The following APOB variants were observed in gnomAD, a reference collection of about 807,000 sequenced individuals.
APOB encodes apolipoprotein B.
Under a neutral mutation model 314.1 loss-of-function variants are expected in APOB, and 153 were observed. The observed-to-expected ratio is 0.49, with a 90% confidence interval of 0.43 to 0.56. The LOEUF (loss-of-function observed/expected upper bound fraction) is 0.56. Ranked by LOEUF, APOB falls within the 20% of genes least tolerant of loss-of-function variation. The pLI, the probability that APOB is intolerant of heterozygous loss-of-function variation, is 0.00. For missense variants in APOB, 5,430 were observed against 5,350.7 expected, an observed-to-expected ratio of 1.01 and a Z score of -0.46; for synonymous variants, 2,087 against 2,036.4, an observed-to-expected ratio of 1.02 and a Z score of -0.67.
chr2:21,037,062 C>G, intron 6 of APOB, 38 bp downstream of exon 6: 1 of 1,613,510 alleles, frequency 6.2e-7, no homozygotes, highest in Non-Finnish European at 8.5e-7. Context: ...TAAGAGGATG[C>G]TCCTTGCTGT....
chr2:21,029,767 G>T lies in APOB; in HGVS notation c.1489C>A (p.Gln497Lys). The T allele has an allele frequency of 1.9e-6, 3 of 1,614,142 alleles. No individual in the cohort carries two copies. The highest frequency in any genetic ancestry group is 2.5e-6 in the Non-Finnish European group (3 of 1,180,028). ...LILRVIGNMG[Q>K]TMEQLTPELK... ...TCTGGAGTTAACTGCTCCATGGTTTGGCCCATATTTCCAATGACCTGCATT... is the reference window on the plus strand; with the variant it reads ...TCTGGAGTTAACTGCTCCATGGTTTTGCCCATATTTCCAATGACCTGCATT... Residue 497 changes from glutamine (Q) to lysine (K), a missense_variant, in exon 12 of 29, where the codon CAA becomes AAA. This residue lies in a region of APOB where 2,085 missense variants were observed against 2,079.7 expected (regional missense o/e 1.00). Transcript: ENST00000233242.
Position 21,022,852 on chromosome 2 carries a change from G to C in APOB, c.2795C>G (p.Pro932Arg). 1 of 1,614,118 alleles carries C rather than the reference G, an allele frequency of 6.2e-7. No individual in the cohort carries two copies. Among genetic ancestry groups the C allele is most frequent in the East Asian group, 2.2e-5 (1 of 44,886 alleles). ...TTACCCTCCACTGAGCAGCTTGACT[G>C]GTCTCTTTGGGGAAGGAATGATAAA... Reference protein sequence around the residue: ...LKFIIPSPKRPVKLLSGGNTL... With the variant: ...LKFIIPSPKRRVKLLSGGNTL... Residue 932 changes from proline (P) to arginine (R), a missense_variant, in exon 18 of 29, where the codon CCA becomes CGA. Physicochemically the swap from Pro to Arg is moderately radical, Grantham distance 103. Around this residue, in one of 3 missense-constraint regions of APOB, gnomAD observed 2,085 missense variants for 2,079.7 expected, o/e 1.00. Transcript: ENST00000233242.
chr2:21,007,898 T>C lies in APOB; in HGVS notation c.8970A>G (p.Ser2990=), dbSNP rs1663191131. 2 of 1,613,938 alleles carry C rather than the reference T, an allele frequency of 1.2e-6. No individual in the cohort carries two copies. Among genetic ancestry groups the C allele is most frequent in the African/African-American group, 1.3e-5 (1 of 74,912 alleles). The part of the protein sequence containing the change: ...SLNFSKLEIQ[S]QVDSQHVGHS... Reference sequence around the variant, plus strand: ...GGCCCACATGCTGGGAATCGACTTGTGATTGAATTTCAAGTTTAGAAAAGT... The same window carrying C: ...GGCCCACATGCTGGGAATCGACTTGCGATTGAATTTCAAGTTTAGAAAAGT... The change falls in exon 26 of 29, where the codon TCA becomes TCG. Residue 2990 remains serine (S), a synonymous_variant. Coordinates refer to ENST00000233242, the MANE Select transcript of APOB (RefSeq NM_000384.3).
At chr2:21,012,894 A>G (rs921858697) in intron 25 of APOB, among the ~76,000 whole-genome samples, 4 of 152,188 alleles carry the variant, frequency 2.6e-5, no homozygotes, top group African/African-American at 9.7e-5. Flanking sequence ...CCTTATACTT[A>G]TATACTACAC....
At chr2:21,039,755 T>G (rs963061169) in intron 4 of APOB, among the ~76,000 whole-genome samples, 3 of 152,168 alleles carry the variant, frequency 2.0e-5, no homozygotes, top group Admixed American at 6.5e-5. Context: ...CTCTTCTGTA[T>G]TTGGAGAAGA....
rs752120730 is a variant in APOB, at chr2:21,032,424, C to T, written c.1282G>A (p.Glu428Lys). The change falls in exon 10 of 29, where the codon GAG (glutamate) becomes AAG (lysine). Residue 428 changes from glutamate to lysine, a missense_variant. Transcript: ENST00000233242. ...IPEPSAQQLR[E>K]IFNMARDQRS... The stretch of plus-strand genomic sequence containing the variant: ...TGATCCCTCGCCATGTTGAAGATCT[C>T]TCGCAGCTGCTGTGCTGAGGGCTCG... 1.2e-6 allele frequency: 2 copies of T among 1,614,124 alleles called. No homozygotes were observed. The highest frequency in any genetic ancestry group is 3.3e-5 in the Admixed American group (2 of 60,034).
Position 21,001,806 on chromosome 2 carries a change from A to G in APOB, c.13616T>C (p.Leu4539Pro), listed in dbSNP as rs747300780. Reference sequence around the variant, plus strand: ...GACTGTGGTTGATTGCAGCTTTTTCAGTAACTCCGTGATGTATATCAGAAA... The same window carrying G: ...GACTGTGGTTGATTGCAGCTTTTTCGGTAACTCCGTGATGTATATCAGAAA... ...HTFLIYITEL[L>P]KKLQSTTVMN... Residue 4539 changes from leucine to proline, a missense_variant, in exon 29 of 29, where the codon CTG (leucine) becomes CCG (proline). This residue lies in a region of APOB where 3,281 missense variants were observed against 3,171.0 expected (regional missense o/e 1.03). Coordinates refer to ENST00000233242, the MANE Select transcript of APOB (RefSeq NM_000384.3). The G allele has an allele frequency of 8.7e-6, 14 of 1,613,948 alleles. No individual in the cohort carries two copies. Among genetic ancestry groups the G allele is most frequent in the Non-Finnish European group, 1.2e-5 (14 of 1,179,970 alleles).
chr2:21,008,900 G>A lies in APOB; in HGVS notation c.7968C>T (p.Phe2656=), dbSNP rs1379975537. 6.2e-7 allele frequency: 1 copy of A among 1,614,082 alleles called. No homozygotes were observed. The change falls in exon 26 of 29, where the codon TTC becomes TTT. Residue 2656 remains phenylalanine, a synonymous_variant. Coordinates refer to ENST00000233242, the MANE Select transcript of APOB (RefSeq NM_000384.3). ...STPEFTILNT[F]HIPSFTIDFV... ...AGTCAATTGTAAAGGAAGGAATGTG[G>A]AAGGTGTTAAGGATGGTAAATTCTG...
At chr2:21,042,595 ATTT>A (rs1188482992) in intron 2 of APOB, 119 bp from the exon 3 acceptor site, 11 of 756,200 alleles carry the variant, frequency 1.5e-5, no homozygotes, top group East Asian at 1.1e-4. Flanking sequence ...AACTCAAATT[ATTT>A]TTTAATTGAC....
chr2:21,016,254 C>T (rs1163317089), intron 21 of APOB, among the ~76,000 whole-genome samples, 185 bp downstream of exon 21: 1 of 151,748 alleles, frequency 6.6e-6, no homozygotes, highest in Non-Finnish European at 1.5e-5. Context: ...TGCCACTGCA[C>T]TCCAGCCTGG....
intron 9 of APOB, 114 bp downstream of exon 9, chr2:21,033,185 G>C (rs1396354235): frequency 2.8e-5 from 22 of 795,670 alleles, no homozygotes; most frequent in Non-Finnish European, 3.9e-5. Flanking sequence ...TTGACTAATT[G>C]ATTAACTGGA....
chr2:21,029,131 A>G (rs1385076894), intron 12 of APOB, among the ~76,000 whole-genome samples: 2 of 152,180 alleles, frequency 1.3e-5, no homozygotes, highest in African/African-American at 4.8e-5. Context: ...AGTCAAGTCA[A>G]TAGGCTTGTT....
intron 25 of APOB, 72 bp from the exon 26 acceptor site, chr2:21,012,723 C>T: frequency 6.5e-7 from 1 of 1,532,226 alleles, no homozygotes; most frequent in Non-Finnish European, 8.9e-7. Context: ...TGTTGAAAGT[C>T]TTTCAATAAT....
chr2:21,039,526 C>A (rs1325772287), intron 4 of APOB, among the ~76,000 whole-genome samples: 1 of 152,128 alleles, frequency 6.6e-6, no homozygotes, highest in Non-Finnish European at 1.5e-5. Flanking sequence ...TCTCCCACAG[C>A]CTACACTCTC....
Position 21,006,167 on chromosome 2 carries a change from C to A in APOB, c.10701G>T (p.Thr3567=), listed in dbSNP as rs12713558. The change falls in exon 26 of 29, where the codon ACG becomes ACT. Residue 3567 remains threonine (T), a synonymous_variant. Transcript: ENST00000233242. ...GGCCCTCTAGCTGTAAGTGGTTTTT[C>A]GTACTGTGCTCCCAGAGGGAATATA... ...QRIYSLWEHS[T]KNHLQLEGLF... The A allele has an allele frequency of 9.9e-6, 16 of 1,613,954 alleles. No individual in the cohort carries two copies. The East Asian group carries it at 3.6e-4, about 36-fold the overall frequency.
Position 21,043,496 on chromosome 2 carries a change from A to T in APOB, c.121+17T>A. On this transcript the variant is annotated intron_variant, in intron 2 of 28. Coordinates refer to ENST00000233242, the MANE Select transcript of APOB (RefSeq NM_000384.3). ...GGGGCTGGGCGCCCTTCCACGCCCC[A>T]TGCGCAGATGCCTTACTTGGACAGA... 2.5e-6 allele frequency: 4 copies of T among 1,599,028 alleles called. No individual in the cohort carries two copies. The highest frequency in any genetic ancestry group is 3.4e-6 in the Non-Finnish European group (4 of 1,172,724).
At position 21,042,382 on chromosome 2, in the gene APOB, A is replaced by T; in HGVS notation, c.216T>A (p.Ser72Arg). 6.2e-7 allele frequency: 1 copy of T among 1,613,908 alleles called. No homozygotes were observed. Among genetic ancestry groups the T allele is most frequent in the Non-Finnish European group, 8.5e-7 (1 of 1,179,882 alleles). ...SGVPGTADSR[S>R]ATRINCKVEL... ...ATACCTTGCAGTTGATCCTGGTGGCACTTCTTGAATCAGCAGTCCCAGGGA... is the reference window on the plus strand; with the variant it reads ...ATACCTTGCAGTTGATCCTGGTGGCTCTTCTTGAATCAGCAGTCCCAGGGA... The change falls in exon 3 of 29, where the codon AGT becomes AGA. Residue 72 changes from serine to arginine, a missense_variant. Coordinates refer to ENST00000233242, the MANE Select transcript of APOB (RefSeq NM_000384.3).
chr2:21,029,493 GAGGA>G (rs67556837), intron 12 of APOB, 142 bp downstream of exon 12: 335,538 of 802,894 alleles, frequency 0.42, 79,481 homozygotes, highest in East Asian at 0.85. Context: ...GGGAGGGAGG[GAGGA>G]AGGAAGGAAG....
chr2:21,016,545 T>A lies in APOB; in HGVS notation c.3226A>T (p.Ile1076Phe). 5 of 1,605,908 alleles carry A rather than the reference T, an allele frequency of 3.1e-6. No individual in the cohort carries two copies. Among genetic ancestry groups the A allele is most frequent in the Non-Finnish European group, 4.3e-6 (5 of 1,172,498 alleles). Reference sequence around the variant, plus strand: ...GTAGATTCATCATTAACTCTGAGGATTGTTCCGAGGTCAACATCAAAATCC... The same window carrying A: ...GTAGATTCATCATTAACTCTGAGGAATGTTCCGAGGTCAACATCAAAATCC... ...IPDFDVDLGT[I>F]LRVNDESTEG... Residue 1076 changes from isoleucine (I) to phenylalanine (F), a missense_variant, in exon 21 of 29, where the codon ATC (isoleucine) becomes TTC (phenylalanine). Coordinates refer to ENST00000233242, the MANE Select transcript of APOB (RefSeq NM_000384.3).
Sources: gnomAD v4.1 joint callset for allele counts (sites outside exome capture counted in the v4.1 genomes callset) on GRCh38, gnomAD v4.1.1 for gene constraint, gnomAD v4.1.1 regional missense constraint, MANE v1.5 for transcripts, NCBI Gene and HGNC (gene_info 2026-07-23, HGNC 2026-07-21) for gene names.